Variants in CLSTN2 observed in about 807,000 individuals in gnomAD.
CLSTN2 encodes the protein calsyntenin 2, also known as calsyntenin-2.
A neutral mutation model predicts 101.2 loss-of-function variants in CLSTN2; 48 were observed. The observed-to-expected ratio is 0.47, with a 90% confidence interval of 0.38 to 0.60. The LOEUF (loss-of-function observed/expected upper bound fraction) is 0.60. Among genes scored for constraint, CLSTN2 ranks in the 20% least tolerant of loss-of-function variants. The pLI is 0.00. For missense variants in CLSTN2, 1,160 were observed against 1,238.2 expected (o/e 0.94, Z 0.95); for synonymous variants, 481 against 463.6 (o/e 1.04, Z -0.48).
chr3:139,968,595 G>A (rs1398640302), intron 1 of CLSTN2, among the ~76,000 whole-genome samples: 1 of 152,142 alleles, frequency 6.6e-6, no homozygotes, highest in Non-Finnish European at 1.5e-5. Flanking sequence ...CCTTGATCTT[G>A]GACATCCTAG....
chr3:140,173,349 T>C (rs886557720), intron 1 of CLSTN2, among the ~76,000 whole-genome samples: 2 of 152,220 alleles, frequency 1.3e-5, no homozygotes, highest in Admixed American at 6.5e-5. Flanking sequence ...GTTCCCATGG[T>C]CTCGGGAAGC....
chr3:140,269,442 G>A (rs2086722147), intron 2 of CLSTN2, among the ~76,000 whole-genome samples: 1 of 152,304 alleles, frequency 6.6e-6, no homozygotes, highest in South Asian at 2.1e-4. Context: ...ATACATACCT[G>A]CTGGCAGGGA....
chr3:140,502,865 C>T (rs141146867), intron 8 of CLSTN2, among the ~76,000 whole-genome samples: 1 of 152,214 alleles, frequency 6.6e-6, no homozygotes, highest in Non-Finnish European at 1.5e-5. Context: ...TATAATATAC[C>T]ACATATGTAG....
At chr3:140,152,396 A>G (rs1316820002) in intron 1 of CLSTN2, among the ~76,000 whole-genome samples, 1 of 152,076 alleles carries the variant, frequency 6.6e-6, no homozygotes, top group East Asian at 1.9e-4. Context: ...TGGTCCCTCT[A>G]ATATTCCCAA....
chr3:140,092,434 G>A (rs117559962), intron 1 of CLSTN2, among the ~76,000 whole-genome samples: 1 of 152,310 alleles, frequency 6.6e-6, no homozygotes, highest in East Asian at 1.9e-4. Context: ...AACATTATCT[G>A]TTTCTCCTGG....
At position 140,403,972 on chromosome 3, in the gene CLSTN2, T is replaced by C. The variant is rs561420910; in HGVS notation, c.428+148T>C. 69 of 633,248 alleles carry C rather than the reference T, an allele frequency of 1.1e-4. No homozygotes were observed. In the African/African-American group the frequency reaches 1.3e-3, roughly 11 times the overall value. The allele number at this position is 633,248 out of a possible 1,614,324, so 39.2% of individuals were successfully genotyped here. A position where few individuals can be genotyped will look rare whatever the true frequency, so the allele number is the denominator to read the frequency against. ...ACTGCTTGGCAGTTTCCTGGTCCCA[T>C]GCAGGCATCTTCCCAGTCTGCTTTC... On this transcript the variant is annotated intron_variant, in intron 3 of 16. Coordinates refer to ENST00000458420, the MANE Select transcript of CLSTN2 (RefSeq NM_022131.3).
chr3:140,231,650 T>A (rs1183942437), intron 2 of CLSTN2, among the ~76,000 whole-genome samples: 1 of 152,222 alleles, frequency 6.6e-6, no homozygotes. Context: ...CGTTGCTCCA[T>A]TATCTCTTCG....
chr3:140,236,196 TG>T (rs2107863792), intron 2 of CLSTN2, among the ~76,000 whole-genome samples: 1 of 152,332 alleles, frequency 6.6e-6, no homozygotes, highest in East Asian at 1.9e-4. Flanking sequence ...ATCAATTTTT[TG>T]TGCCATTATA....
chr3:140,278,255 CAG>C (rs1321424758), intron 2 of CLSTN2, among the ~76,000 whole-genome samples: 2 of 152,184 alleles, frequency 1.3e-5, no homozygotes, highest in African/African-American at 4.8e-5. Context: ...AGCTGGTCCT[CAG>C]GGTGTTATTC....
At chr3:140,020,637 G>A (rs1056436487) in intron 1 of CLSTN2, among the ~76,000 whole-genome samples, 4 of 152,294 alleles carry the variant, frequency 2.6e-5, no homozygotes, top group Non-Finnish European at 5.9e-5. Flanking sequence ...TGCAAGGCCA[G>A]ACAGGCTCTG....
chr3:140,347,201 G>C (rs1316804182), intron 2 of CLSTN2, among the ~76,000 whole-genome samples: 1 of 152,100 alleles, frequency 6.6e-6, no homozygotes, highest in Non-Finnish European at 1.5e-5. Flanking sequence ...GTGTTATTTG[G>C]CATCTCCTAC....
At chr3:140,353,221 A>G (rs1254675498) in intron 2 of CLSTN2, among the ~76,000 whole-genome samples, 1 of 143,578 alleles carries the variant, frequency 7.0e-6, no homozygotes, top group Non-Finnish European at 1.5e-5. Context: ...AACTAATGGA[A>G]TATATATATG....
At position 140,564,156 on chromosome 3, in the gene CLSTN2, T is replaced by C. The variant is rs1209520963; in HGVS notation, c.2667+11T>C. On this transcript the variant is annotated intron_variant, in intron 16 of 16. Coordinates refer to ENST00000458420, the MANE Select transcript of CLSTN2 (RefSeq NM_022131.3). ...GTCAACCCCATGGAGGTGATCCTCA[T>C]GCACGGCTGGGAGTTCTGGGTGGGG... 26 of 1,612,614 alleles carry C rather than the reference T, an allele frequency of 1.6e-5. No homozygotes were observed. The highest frequency in any genetic ancestry group is 2.1e-5 in the Non-Finnish European group (25 of 1,178,944).
intron 1 of CLSTN2, among the ~76,000 whole-genome samples, chr3:139,995,613 T>C (rs1421726122): frequency 2.6e-5 from 4 of 152,198 alleles, no homozygotes; most frequent in African/African-American, 9.6e-5. Context: ...CAGGTGACTA[T>C]CTGGAGAGCT....
intron 1 of CLSTN2, among the ~76,000 whole-genome samples, chr3:140,123,841 T>A: frequency 1.3e-5 from 1 of 74,264 alleles, no homozygotes; most frequent in South Asian, 4.6e-4. Flanking sequence ...TGTATGTATA[T>A]GTGTGTGTGT....
At chr3:139,936,954 A>G (rs1429858427) in intron 1 of CLSTN2, among the ~76,000 whole-genome samples, 1 of 152,222 alleles carries the variant, frequency 6.6e-6, no homozygotes, top group African/African-American at 2.4e-5. Context: ...AATATCTCAG[A>G]GTGCGGTAAA....
chr3:140,075,291 C>A (rs1193043515), intron 1 of CLSTN2, among the ~76,000 whole-genome samples: 1 of 152,012 alleles, frequency 6.6e-6, no homozygotes, highest in Non-Finnish European at 1.5e-5. Flanking sequence ...TAATATTTGT[C>A]CTTCCTTCAC....
At chr3:140,464,076 G>A (rs1055377939) in intron 7 of CLSTN2, among the ~76,000 whole-genome samples, 1 of 152,172 alleles carries the variant, frequency 6.6e-6, no homozygotes, top group Non-Finnish European at 1.5e-5. Context: ...GGTGAAGATG[G>A]CAATTTGGAG....
intron 8 of CLSTN2, among the ~76,000 whole-genome samples, chr3:140,486,076 C>T (rs1299899665): frequency 6.6e-6 from 1 of 151,832 alleles, no homozygotes; most frequent in Non-Finnish European, 1.5e-5. Flanking sequence ...TCCTATTTGG[C>T]CGTCTTGGCT....
Sources: allele counts gnomAD v4.1 joint callset (sites outside exome capture counted in the v4.1 genomes callset), GRCh38; gene constraint gnomAD v4.1.1; transcripts MANE v1.5; gene names NCBI Gene and HGNC (gene_info 2026-07-23, HGNC 2026-07-21).